Variants in HUWE1 observed in about 807,000 individuals in gnomAD.
The protein encoded by HUWE1 is E3 ubiquitin-protein ligase HUWE1.
HUWE1 carries 18 observed loss-of-function variants against 299.4 expected under a neutral mutation model. The observed-to-expected ratio is 0.06, with a 90% confidence interval of 0.04 to 0.09. HUWE1 has a LOEUF of 0.09. Among genes scored for constraint, HUWE1 ranks in the 10% least tolerant of loss-of-function variants. HUWE1 has a pLI of 1.00. For missense variants in HUWE1, 1,832 were observed against 3,462.3 expected (o/e 0.53, Z 11.82); for synonymous variants, 1,317 against 1,286.1 (o/e 1.02, Z -0.51).
chrX:53,611,475 A>G (rs890315542), intron 23 of HUWE1, among the ~76,000 whole-genome samples: 1 of 112,145 alleles, frequency 8.9e-6, no homozygotes, highest in African/African-American at 3.2e-5. Context: ...AATAGACATA[A>G]TAATATGATG....
chrX:53,603,651 T>C (rs917786083), intron 26 of HUWE1, 150 bp from the exon 27 acceptor site: 29 of 493,521 alleles, frequency 5.9e-5, no homozygotes, highest in Non-Finnish European at 9.4e-5. Context: ...ATGTCCACAC[T>C]CAAGACGACA....
At chrX:53,584,053 T>C in intron 41 of HUWE1, 133 bp downstream of exon 41, 1 of 812,643 alleles carries the variant, frequency 1.2e-6, no homozygotes, top group Non-Finnish European at 1.8e-6. Context: ...TAAGATCAGA[T>C]GAAAAAGCAT....
chrX:53,617,316 T>C, intron 20 of HUWE1, 24 bp downstream of exon 20: 1 of 1,074,534 alleles, frequency 9.3e-7, no homozygotes, highest in Non-Finnish European at 1.3e-6. Context: ...AGACATTCTT[T>C]ACAGAGTAGC....
chrX:53,559,091 T>C (rs2062165309), intron 57 of HUWE1, 31 bp from the exon 58 acceptor site: 6 of 1,101,874 alleles, frequency 5.4e-6, no homozygotes, highest in Non-Finnish European at 7.4e-6. Flanking sequence ...AATGAGATTC[T>C]TGGCCTTGTC....
chrX:53,634,955 T>A (rs1263418558), intron 7 of HUWE1, among the ~76,000 whole-genome samples: 1 of 112,170 alleles, frequency 8.9e-6, no homozygotes, highest in African/African-American at 3.2e-5. Context: ...TAACAGCCTT[T>A]AAAATATCAC....
At chrX:53,638,196 CG>C (rs1334643949) in intron 7 of HUWE1, among the ~76,000 whole-genome samples, 8 of 110,902 alleles carry the variant, frequency 7.2e-5, no homozygotes, top group Non-Finnish European at 1.3e-4. Context: ...AAAAATTAGC[CG>C]GGCATGGTGA....
chrX:53,568,523 G>GC (rs1556947734), intron 49 of HUWE1, among the ~76,000 whole-genome samples, 169 bp downstream of exon 49: 1 of 110,551 alleles, frequency 9.0e-6, no homozygotes, highest in Non-Finnish European at 1.9e-5. Flanking sequence ...TGAGTTTATA[G>GC]CAAGTAAGAA....
chrX:53,654,016 T>C (rs200897430), intron 4 of HUWE1, 47 bp downstream of exon 4: 1 of 972,238 alleles, frequency 1.0e-6, no homozygotes, highest in Admixed American at 2.3e-5. Flanking sequence ...TATTTTTTTA[T>C]TTTTTAATGA....
intron 66 of HUWE1, 91 bp from the exon 67 acceptor site, chrX:53,549,596 T>A: frequency 1.3e-6 from 1 of 795,244 alleles, no homozygotes; most frequent in Middle Eastern, 3.8e-4. Flanking sequence ...GAGCTAGGTA[T>A]CTCCAAGGAG....
chrX:53,646,608 T>C (rs1344796013), intron 6 of HUWE1, among the ~76,000 whole-genome samples: 3 of 111,986 alleles, frequency 2.7e-5, no homozygotes, highest in African/African-American at 9.7e-5. Context: ...GGGCAGCATA[T>C]CTATTTCATC....
chrX:53,594,247 T>A (rs1556982552), intron 31 of HUWE1, among the ~76,000 whole-genome samples: 1 of 112,160 alleles, frequency 8.9e-6, no homozygotes, highest in Admixed American at 9.4e-5. Flanking sequence ...AACCCATACT[T>A]GGAACTGGAA....
At chrX:53,544,078 T>C (rs1556920804) in intron 72 of HUWE1, 110 bp from the exon 73 acceptor site, 2 of 700,908 alleles carry the variant, frequency 2.9e-6, no homozygotes, top group African/African-American at 2.1e-5. Flanking sequence ...CTGAGGTCTT[T>C]TGAGCTTTAG....
chrX:53,586,744 A>G, intron 38 of HUWE1, 38 bp downstream of exon 38: 1 of 1,208,584 alleles, frequency 8.3e-7, no homozygotes, highest in Non-Finnish European at 1.1e-6. Flanking sequence ...GTCCCAGGGA[A>G]ATAGAAACGA....
chrX:53,590,505 G>C lies in HUWE1; in HGVS notation c.4096-6C>G, dbSNP rs2064097172. ...TCTTCAGACATGCTGAGATCCTAGA[G>C]TGTTAAGAGAATATCCAGTAAGGAT... On this transcript the variant is annotated splice_polypyrimidine_tract_variant and splice_region_variant and intron_variant, in intron 34 of 83. Coordinates refer to ENST00000262854, the MANE Select transcript of HUWE1 (RefSeq NM_031407.7). 1 of 1,162,362 alleles carries C rather than the reference G, an allele frequency of 8.6e-7. No individual in the cohort carries two copies. Among genetic ancestry groups the C allele is most frequent in the Non-Finnish European group, 1.2e-6 (1 of 851,841 alleles).
intron 3 of HUWE1, among the ~76,000 whole-genome samples, chrX:53,671,579 A>T (rs1603271631): frequency 9.0e-6 from 1 of 111,297 alleles, no homozygotes; most frequent in Admixed American, 9.5e-5. Flanking sequence ...TCACGAGGTC[A>T]GGAGATCGAG....
rs1556909504 is a variant in HUWE1 at position 53,534,205 on chromosome X, A to G, written c.12832-8T>C. The G allele has an allele frequency of 8.3e-7, 1 of 1,202,226 alleles. No homozygotes were observed. The highest frequency in any genetic ancestry group is 2.2e-5 in the Admixed American group (1 of 45,970). On this transcript the variant is annotated splice_polypyrimidine_tract_variant and splice_region_variant and intron_variant, in intron 82 of 83. Coordinates refer to ENST00000262854, the MANE Select transcript of HUWE1 (RefSeq NM_031407.7). ...TCTCCAGAACCACTGGATCTGTAGG[A>G]AGGGACCCATGAAGCCAGTGTTAGG...
At position 53,557,447 on chromosome X, in the gene HUWE1, A is replaced by G. The variant is rs1556936197; in HGVS notation, c.8161-20T>C. ...AGTACACTGCAAAAAGAAGGGATAG[A>G]CCAATGTGGGACTTTGCAAGCACCT... On this transcript the variant is annotated intron_variant, in intron 59 of 83. Coordinates refer to ENST00000262854, the MANE Select transcript of HUWE1 (RefSeq NM_031407.7). 1 of 1,188,779 alleles carries G rather than the reference A, an allele frequency of 8.4e-7. No homozygotes were observed. The highest frequency in any genetic ancestry group is 1.7e-5 in the African/African-American group (1 of 57,417).
chrX:53,565,570 T>C (rs1044440996), intron 49 of HUWE1, among the ~76,000 whole-genome samples: 17 of 110,911 alleles, frequency 1.5e-4, no homozygotes, highest in Admixed American at 3.8e-4. Context: ...ATTTTTTTTT[T>C]TAAACCACCA....
chrX:53,658,845 A>G (rs1255349366), intron 3 of HUWE1, among the ~76,000 whole-genome samples: 1 of 112,838 alleles, frequency 8.9e-6, no homozygotes, highest in Non-Finnish European at 1.9e-5. Flanking sequence ...AGATACACAA[A>G]GAACTCTTAA....
Sources: allele counts gnomAD v4.1 joint callset (sites outside exome capture counted in the v4.1 genomes callset), GRCh38; gene constraint gnomAD v4.1.1; transcripts MANE v1.5; gene names NCBI Gene and HGNC (gene_info 2026-07-23, HGNC 2026-07-21).